The following ROR1 variants were observed in gnomAD, a reference collection of about 807,000 sequenced individuals.
ROR1 encodes ROR family WNT receptor 1.
In ROR1, 19 loss-of-function variants were observed where a neutral mutation model predicts 78.8. That is an observed-to-expected ratio of 0.24 (90% CI 0.17 to 0.35). The LOEUF is 0.35. Ranked by LOEUF, ROR1 falls within the 10% of genes least tolerant of loss-of-function variation. The pLI, the probability that ROR1 is intolerant of heterozygous loss-of-function variation, is 1.00. For missense variants in ROR1, 917 were observed against 1,177.8 expected (o/e 0.78, Z 3.24); for synonymous variants, 386 against 433.6 (o/e 0.89, Z 1.36).
intron 1 of ROR1, among the ~76,000 whole-genome samples, chr1:63,994,061 C>T (rs990793001): frequency 2.6e-5 from 4 of 152,094 alleles, no homozygotes; most frequent in Non-Finnish European, 5.9e-5. Flanking sequence ...GGAGAAATAA[C>T]ATCTCATTGA....
At chr1:63,792,241 G>A (rs779086304) in intron 1 of ROR1, among the ~76,000 whole-genome samples, 6 of 152,102 alleles carry the variant, frequency 3.9e-5, no homozygotes, top group Non-Finnish European at 8.8e-5. Flanking sequence ...AAATGGGAGT[G>A]TTATCAGTTT....
intron 1 of ROR1, among the ~76,000 whole-genome samples, chr1:63,893,303 T>G (rs899362945): frequency 7.2e-5 from 11 of 152,062 alleles, no homozygotes; most frequent in Non-Finnish European, 1.0e-4. Context: ...GTCCCCAGCT[T>G]AGGGCCCTGT....
At chr1:63,803,210 G>A (rs998804086) in intron 1 of ROR1, among the ~76,000 whole-genome samples, 1 of 151,974 alleles carries the variant, frequency 6.6e-6, no homozygotes, top group Non-Finnish European at 1.5e-5. Flanking sequence ...ATTTAATTTC[G>A]AGACAAATAG....
At chr1:63,922,182 G>A (rs989387620) in intron 1 of ROR1, among the ~76,000 whole-genome samples, 1 of 152,166 alleles carries the variant, frequency 6.6e-6, no homozygotes, top group Non-Finnish European at 1.5e-5. Flanking sequence ...CTGGGGAGTG[G>A]AAGTGAGGGA....
chr1:63,999,523 C>T (rs954055644), intron 1 of ROR1, among the ~76,000 whole-genome samples: 6 of 152,060 alleles, frequency 3.9e-5, no homozygotes, highest in Non-Finnish European at 7.4e-5. Context: ...CCTATTGCAG[C>T]ATTTATCATA....
chr1:63,879,981 A>G (rs11208313), intron 1 of ROR1, among the ~76,000 whole-genome samples: 6,898 of 152,212 alleles, frequency 0.045, 517 homozygotes, highest in African/African-American at 0.16. Flanking sequence ...TGAAAATGGT[A>G]TGGACCCGTG....
chr1:63,917,317 G>A (rs1309877278), intron 1 of ROR1, among the ~76,000 whole-genome samples: 2 of 152,110 alleles, frequency 1.3e-5, no homozygotes, highest in Non-Finnish European at 2.9e-5. Flanking sequence ...ATTATTAAAT[G>A]TATCACAGAT....
At chr1:63,797,236 T>C (rs7533064) in intron 1 of ROR1, among the ~76,000 whole-genome samples, 5,090 of 152,266 alleles carry the variant, frequency 0.033, 283 homozygotes, top group African/African-American at 0.12. Flanking sequence ...AATTAATTTA[T>C]GGATAAGGAA....
At chr1:63,875,496 A>G (rs1160427287) in intron 1 of ROR1, among the ~76,000 whole-genome samples, 1 of 152,164 alleles carries the variant, frequency 6.6e-6, no homozygotes, top group Non-Finnish European at 1.5e-5. Context: ...CTGAGCCCTA[A>G]TTAAGAACCT....
At chr1:63,958,442 T>G (rs1569974857) in intron 1 of ROR1, among the ~76,000 whole-genome samples, 3 of 152,138 alleles carry the variant, frequency 2.0e-5, no homozygotes, top group South Asian at 4.2e-4. Context: ...ATTCCCCAGG[T>G]GCATATGTCT....
chr1:63,952,469 G>T (rs1478516348), intron 1 of ROR1, among the ~76,000 whole-genome samples: 1 of 152,148 alleles, frequency 6.6e-6, no homozygotes, highest in Non-Finnish European at 1.5e-5. Context: ...TTTAAGATGG[G>T]CCTGGAAGTA....
At chr1:63,866,520 T>A (rs1222201931) in intron 1 of ROR1, among the ~76,000 whole-genome samples, 1 of 152,196 alleles carries the variant, frequency 6.6e-6, no homozygotes, top group Non-Finnish European at 1.5e-5. Context: ...ACACCAAGTA[T>A]AGATGGGAAT....
At chr1:63,962,156 AG>A (rs1331775677) in intron 1 of ROR1, among the ~76,000 whole-genome samples, 2 of 152,160 alleles carry the variant, frequency 1.3e-5, no homozygotes, top group African/African-American at 4.8e-5. Context: ...GCTACTTGGG[AG>A]GCTGAGGTTC....
intron 1 of ROR1, among the ~76,000 whole-genome samples, chr1:63,802,226 A>G (rs1390597949): frequency 2.6e-5 from 4 of 152,202 alleles, no homozygotes; most frequent in Non-Finnish European, 5.9e-5. Context: ...ATCAAACCCT[A>G]CTGAATCTTG....
At position 64,049,958 on chromosome 1, in the gene ROR1, G is replaced by C. The variant is rs1646815693; in HGVS notation, c.431G>C (p.Gly144Ala). 6.2e-7 allele frequency: 1 copy of C among 1,614,052 alleles called. No homozygotes were observed. Among genetic ancestry groups the C allele is most frequent in the Non-Finnish European group, 8.5e-7 (1 of 1,180,044 alleles). The change falls in exon 3 of 9, where the codon GGA (glycine) becomes GCA (alanine). Residue 144 changes from glycine to alanine, a missense_variant. Physicochemically the swap from Gly to Ala is moderately conservative, Grantham distance 60. This residue lies in a region of ROR1 where 835 missense variants were observed against 1,069.8 expected (regional missense o/e 0.78). Transcript: ENST00000371079. ...GGCAAGGAGGTGGTTTCTTCCACTGGAGTCTTGTTTGTCAAGTTTGGTAAG... is the reference window on the plus strand; with the variant it reads ...GGCAAGGAGGTGGTTTCTTCCACTGCAGTCTTGTTTGTCAAGTTTGGTAAG... ...TNGKEVVSST[G>A]VLFVKFGPPP...
chr1:64,141,556 A>C (rs962621133), intron 6 of ROR1, among the ~76,000 whole-genome samples: 4 of 152,026 alleles, frequency 2.6e-5, no homozygotes, highest in Non-Finnish European at 5.9e-5. Flanking sequence ...CACAGACCCA[A>C]ACCATATCAT....
chr1:64,119,917 G>C (rs1206484043), intron 4 of ROR1, among the ~76,000 whole-genome samples: 1 of 152,168 alleles, frequency 6.6e-6, no homozygotes, highest in Non-Finnish European at 1.5e-5. Flanking sequence ...CTGTGACTTA[G>C]AGATTTTCAA....
At chr1:64,090,385 CAT>C (rs1647186150) in intron 4 of ROR1, among the ~76,000 whole-genome samples, 1 of 152,172 alleles carries the variant, frequency 6.6e-6, no homozygotes, top group Non-Finnish European at 1.5e-5. Context: ...TGCATTGAAA[CAT>C]GGATTATGTC....
intron 1 of ROR1, among the ~76,000 whole-genome samples, chr1:63,841,955 C>T (rs956335062): frequency 6.6e-6 from 1 of 152,178 alleles, no homozygotes; most frequent in Non-Finnish European, 1.5e-5. Flanking sequence ...GGCCTCCAAA[C>T]TGAATTTATT....
Sources: allele counts gnomAD v4.1 joint callset (sites outside exome capture counted in the v4.1 genomes callset), GRCh38; gene constraint gnomAD v4.1.1; regional missense constraint gnomAD v4.1.1; transcripts MANE v1.5; gene names NCBI Gene and HGNC (gene_info 2026-07-23, HGNC 2026-07-21).